Variants in VTI1A observed in about 807,000 individuals in gnomAD.
VTI1A encodes vesicle transport through interaction with t-SNAREs homolog 1A.
In VTI1A, 22 loss-of-function variants were observed where a neutral mutation model predicts 34.9. The observed-to-expected ratio is 0.63, with a 90% CI of 0.45 to 0.90. The LOEUF (loss-of-function observed/expected upper bound fraction) is 0.90. Among genes scored for constraint, VTI1A ranks in the 40% least tolerant of loss-of-function variants. VTI1A has a pLI of 0.00. For missense variants in VTI1A, 268 were observed against 275.6 expected, an observed-to-expected ratio of 0.97 and a Z score of 0.20; for synonymous variants, 87 against 97.3, an observed-to-expected ratio of 0.89 and a Z score of 0.62.
At chr10:112,664,228 A>G (rs927150660) in intron 5 of VTI1A, among the ~76,000 whole-genome samples, 10 of 152,212 alleles carry the variant, frequency 6.6e-5, no homozygotes, top group African/African-American at 2.4e-4. Flanking sequence ...CTAATTTTTA[A>G]AAATGTTTTG....
At chr10:112,552,372 T>C (rs1379712745) in intron 5 of VTI1A, among the ~76,000 whole-genome samples, 2 of 152,182 alleles carry the variant, frequency 1.3e-5, no homozygotes, top group African/African-American at 2.4e-5. Flanking sequence ...GAATTATCTA[T>C]GTAATGTTCA....
At chr10:112,734,303 C>T (rs1012216555) in intron 7 of VTI1A, among the ~76,000 whole-genome samples, 10 of 152,048 alleles carry the variant, frequency 6.6e-5, no homozygotes, top group South Asian at 2.1e-4. Flanking sequence ...TTAGACTGTT[C>T]GGGGGTCTCT....
intron 5 of VTI1A, among the ~76,000 whole-genome samples, chr10:112,597,634 G>C (rs1483557878): frequency 6.7e-6 from 1 of 149,080 alleles, no homozygotes; most frequent in African/African-American, 2.5e-5. Flanking sequence ...AGTGAGCTAT[G>C]ATTGCACCTG....
intron 7 of VTI1A, among the ~76,000 whole-genome samples, chr10:112,706,855 G>T (rs1005769513): frequency 6.6e-6 from 1 of 152,092 alleles, no homozygotes; most frequent in Non-Finnish European, 1.5e-5. Flanking sequence ...CAGACCAGCA[G>T]CCCAACAGTT....
intron 5 of VTI1A, among the ~76,000 whole-genome samples, chr10:112,647,500 AT>A (rs1846841874): frequency 6.6e-6 from 1 of 152,152 alleles, no homozygotes; most frequent in Non-Finnish European, 1.5e-5. Context: ...TAAATGGAAA[AT>A]TTTGGCAAAT....
chr10:112,624,003 T>C (rs917964505), intron 5 of VTI1A, among the ~76,000 whole-genome samples: 16 of 152,190 alleles, frequency 1.1e-4, no homozygotes, highest in African/African-American at 3.6e-4. Context: ...CAGTTGTCCA[T>C]CATCTTTCAA....
At chr10:112,531,095 ACACACACACGTGCG>A (rs1850415151) in intron 4 of VTI1A, among the ~76,000 whole-genome samples, 4 of 148,374 alleles carry the variant, frequency 2.7e-5, no homozygotes, top group African/African-American at 1.0e-4. Context: ...ACACACACAC[ACACACACACGTGCG>A]CACGTGCGCG....
intron 4 of VTI1A, among the ~76,000 whole-genome samples, chr10:112,537,035 A>G (rs1441078755): frequency 6.6e-6 from 1 of 152,000 alleles, no homozygotes; most frequent in Non-Finnish European, 1.5e-5. Flanking sequence ...GGGGCTCATT[A>G]GAGCAAGGTA....
intron 5 of VTI1A, among the ~76,000 whole-genome samples, chr10:112,636,495 G>A (rs1160568398): frequency 2.0e-5 from 3 of 152,038 alleles, no homozygotes; most frequent in African/African-American, 7.2e-5. Flanking sequence ...GGAGGCCGAG[G>A]TGGATGGATC....
intron 5 of VTI1A, among the ~76,000 whole-genome samples, chr10:112,618,524 T>TATATATATAGAG (rs748276058): frequency 1.4e-4 from 5 of 34,580 alleles, no homozygotes; most frequent in Admixed American, 6.7e-4. Context: ...TATATATATA[T>TATATATATAGAG]AGAGAGAGAG....
intron 3 of VTI1A, among the ~76,000 whole-genome samples, chr10:112,515,318 T>A (rs1462931845): frequency 6.6e-6 from 1 of 151,948 alleles, no homozygotes; most frequent in Non-Finnish European, 1.5e-5. Context: ...AGGAAATTAA[T>A]TTTTTTAGAT....
intron 5 of VTI1A, among the ~76,000 whole-genome samples, chr10:112,652,243 A>G (rs1314426917): frequency 6.6e-6 from 1 of 152,224 alleles, no homozygotes; most frequent in Non-Finnish European, 1.5e-5. Context: ...GAAGATTTTC[A>G]CAAGGGGACG....
chr10:112,563,467 C>T (rs183344480), intron 5 of VTI1A, among the ~76,000 whole-genome samples: 5 of 152,256 alleles, frequency 3.3e-5, no homozygotes, highest in East Asian at 1.9e-4. Context: ...GTAACCTTAT[C>T]GCATACTTGG....
At chr10:112,486,076 A>C (rs948539300) in intron 3 of VTI1A, among the ~76,000 whole-genome samples, 8 of 152,174 alleles carry the variant, frequency 5.3e-5, no homozygotes, top group Non-Finnish European at 1.5e-5. Flanking sequence ...TTTCTGTCCC[A>C]CACATATTTT....
chr10:112,546,620 C>T (rs1851140328), intron 5 of VTI1A, among the ~76,000 whole-genome samples: 1 of 151,990 alleles, frequency 6.6e-6, no homozygotes, highest in Non-Finnish European at 1.5e-5. Flanking sequence ...AATTATACAC[C>T]TTTATTTTTG....
the VTI1A span, among the ~76,000 whole-genome samples, chr10:112,849,565 C>G: frequency 6.6e-6 from 1 of 152,196 alleles, no homozygotes; most frequent in Non-Finnish European, 1.5e-5. Context: ...AGGGCTCTGC[C>G]TGGGTATCCA....
intron 7 of VTI1A, among the ~76,000 whole-genome samples, chr10:112,703,697 A>T (rs918999170): frequency 1.3e-5 from 2 of 152,224 alleles, no homozygotes; most frequent in African/African-American, 4.8e-5. Context: ...TCACATATAT[A>T]TTATTTACAT....
intron 7 of VTI1A, among the ~76,000 whole-genome samples, chr10:112,682,879 A>G (rs1352984165): frequency 6.6e-6 from 1 of 152,238 alleles, no homozygotes; most frequent in African/African-American, 2.4e-5. Flanking sequence ...TGGAGCAAAC[A>G]GGTGTTCCTG....
intron 7 of VTI1A, among the ~76,000 whole-genome samples, chr10:112,675,259 A>G (rs1321434884): frequency 2.0e-5 from 3 of 152,230 alleles, no homozygotes; most frequent in Non-Finnish European, 2.9e-5. Flanking sequence ...TAACTCTATA[A>G]GATGGATACT....
Sources: gnomAD v4.1 joint callset for allele counts (sites outside exome capture counted in the v4.1 genomes callset) on GRCh38, gnomAD v4.1.1 for gene constraint, MANE v1.5 for transcripts, NCBI Gene and HGNC (gene_info 2026-07-23, HGNC 2026-07-21) for gene names.